The following RTL4 variants were observed in gnomAD, a reference collection of about 807,000 sequenced individuals.
RTL4 encodes the protein retrotransposon Gag like 4.
RTL4 carries 4 observed loss-of-function variants against 5.3 expected under a neutral mutation model. The observed-to-expected ratio is 0.75, with a 90% CI of 0.37 to 1.72. The LOEUF is 1.72. Among genes scored for constraint, RTL4 ranks in the 40% most tolerant of loss-of-function variants. The pLI is 0.04. For missense variants in RTL4, 260 were observed against 227.1 expected (o/e 1.14, Z -0.93); for synonymous variants, 98 against 87.3 (o/e 1.12, Z -0.68).
the RTL4 span, among the ~76,000 whole-genome samples, chrX:112,120,754 T>C: frequency 1.8e-5 from 2 of 111,508 alleles, no homozygotes; most frequent in East Asian, 5.6e-4. Flanking sequence ...AAAAATTCTT[T>C]TCAGCAAATT....
At chrX:112,102,749 C>T in the RTL4 span, among the ~76,000 whole-genome samples, 1 of 111,656 alleles carries the variant, frequency 9.0e-6, no homozygotes, top group Non-Finnish European at 1.9e-5. Context: ...AAAAAAACAA[C>T]CCCATTAAAA....
chrX:112,308,095 G>A, the RTL4 span, among the ~76,000 whole-genome samples: 1 of 111,342 alleles, frequency 9.0e-6, no homozygotes, highest in East Asian at 2.8e-4. Context: ...GTTATGTGGG[G>A]ACCTCTAAAT....
the RTL4 span, among the ~76,000 whole-genome samples, chrX:112,259,444 G>T: frequency 1.8e-5 from 2 of 110,639 alleles, no homozygotes; most frequent in Non-Finnish European, 3.8e-5. Context: ...AATAATCGTT[G>T]CTAGCTCCTG....
chrX:112,153,795 G>T, the RTL4 span, among the ~76,000 whole-genome samples: 565 of 111,441 alleles, frequency 5.1e-3, 2 homozygotes, highest in African/African-American at 0.017. Flanking sequence ...TTCGATTGTG[G>T]TATGTATAGG....
the RTL4 span, among the ~76,000 whole-genome samples, chrX:112,418,760 A>G: frequency 9.1e-6 from 1 of 110,061 alleles, no homozygotes; most frequent in Non-Finnish European, 1.9e-5. Flanking sequence ...GCATGCAAAT[A>G]CTGGAGTGTG....
At chrX:112,127,971 C>A in the RTL4 span, among the ~76,000 whole-genome samples, 1 of 111,501 alleles carries the variant, frequency 9.0e-6, no homozygotes, top group Non-Finnish European at 1.9e-5. Context: ...GATTTAATAT[C>A]ATTAAAGTGA....
the RTL4 span, among the ~76,000 whole-genome samples, chrX:112,120,600 A>C: frequency 1.2e-5 from 1 of 85,459 alleles, no homozygotes; most frequent in Non-Finnish European, 2.1e-5. Context: ...TTTTTTTAGC[A>C]CTTGGAAGAT....
the RTL4 span, chrX:112,381,440 C>T: frequency 8.3e-7 from 1 of 1,209,159 alleles, no homozygotes. Context: ...CCAGCGGGAA[C>T]AGCTACTGGA....
At chrX:112,196,998 G>A in the RTL4 span, among the ~76,000 whole-genome samples, 1 of 109,579 alleles carries the variant, frequency 9.1e-6, no homozygotes, top group Non-Finnish European at 1.9e-5. Context: ...ACGTTTCCCT[G>A]ATGATTAGTG....
At chrX:112,084,323 G>C in the RTL4 span, among the ~76,000 whole-genome samples, 1 of 110,530 alleles carries the variant, frequency 9.0e-6, no homozygotes, top group Non-Finnish European at 1.9e-5. Flanking sequence ...CAATATTCTG[G>C]AGAGTATTTA....
chrX:112,120,573 G>A, the RTL4 span, among the ~76,000 whole-genome samples: 9,307 of 105,358 alleles, frequency 0.088, 788 homozygotes, highest in African/African-American at 0.26. Flanking sequence ...CACCACGCCC[G>A]GCTGGGGTTT....
the RTL4 span, among the ~76,000 whole-genome samples, chrX:112,148,060 G>C: frequency 9.0e-6 from 1 of 111,141 alleles, no homozygotes; most frequent in African/African-American, 3.3e-5. Flanking sequence ...ACAGGACCTG[G>C]TCAGCCAACA....
chrX:112,428,264 C>A, the RTL4 span, among the ~76,000 whole-genome samples: 3 of 111,881 alleles, frequency 2.7e-5, no homozygotes, highest in Admixed American at 9.5e-5. Context: ...ATAATGACTT[C>A]TTTCCCTTTG....
chrX:112,350,294 A>G, the RTL4 span, among the ~76,000 whole-genome samples: 1 of 109,843 alleles, frequency 9.1e-6, no homozygotes, highest in Non-Finnish European at 1.9e-5. Context: ...TTTTGCATCA[A>G]TGTTCATCAA....
the RTL4 span, among the ~76,000 whole-genome samples, chrX:112,190,772 G>A: frequency 1.8e-5 from 2 of 112,124 alleles, no homozygotes; most frequent in Non-Finnish European, 3.8e-5. Context: ...ACTGCCAGAG[G>A]CATTGTAAAT....
At chrX:112,129,406 T>C in the RTL4 span, among the ~76,000 whole-genome samples, 23 of 112,351 alleles carry the variant, frequency 2.0e-4, no homozygotes, top group Non-Finnish European at 4.1e-4. Flanking sequence ...TGAATGTTCA[T>C]AGCAACATTA....
the RTL4 span, among the ~76,000 whole-genome samples, chrX:112,182,393 A>G: frequency 2.7e-5 from 3 of 111,938 alleles, no homozygotes; most frequent in Non-Finnish European, 5.6e-5. Context: ...CCTCCTAGCT[A>G]AAGGAGCATG....
the RTL4 span, among the ~76,000 whole-genome samples, chrX:112,313,262 ATTG>A: frequency 9.0e-6 from 1 of 111,299 alleles, no homozygotes; most frequent in Admixed American, 9.7e-5. Context: ...TAGAAAAAAA[ATTG>A]TTATCTTATG....
chrX:112,196,480 T>C, the RTL4 span, among the ~76,000 whole-genome samples: 24,336 of 111,236 alleles, frequency 0.22, 2,145 homozygotes, highest in African/African-American at 0.31. Flanking sequence ...CATTACTCTC[T>C]GTTTCTCTGG....
Sources: allele counts gnomAD v4.1 joint callset (sites outside exome capture counted in the v4.1 genomes callset), GRCh38; gene constraint gnomAD v4.1.1; transcripts MANE v1.5; gene names NCBI Gene and HGNC (gene_info 2026-07-23, HGNC 2026-07-21).